CREB5: variants seen among roughly 807,000 people sequenced by gnomAD.
CREB5 encodes the protein cyclic AMP-responsive element-binding protein 5.
Under a neutral mutation model 57.1 loss-of-function variants are expected in CREB5, and 19 were observed. The ratio of observed to expected loss-of-function variants is 0.33; its 90% CI spans 0.23 to 0.49. The LOEUF (loss-of-function observed/expected upper bound fraction) is 0.49. Ranked by LOEUF, CREB5 falls within the 20% of genes least tolerant of loss-of-function variation. The pLI, the probability that CREB5 is intolerant of heterozygous loss-of-function variation, is 0.99. For missense variants in CREB5, 579 were observed against 671.6 expected, an observed-to-expected ratio of 0.86 and a Z score of 1.52; for synonymous variants, 238 against 238.3, an observed-to-expected ratio of 1.00 and a Z score of 0.01.
chr7:28,626,087 G>A (rs973600360), intron 5 of CREB5, among the ~76,000 whole-genome samples: 4 of 152,104 alleles, frequency 2.6e-5, no homozygotes, highest in African/African-American at 9.7e-5. Flanking sequence ...CTATTTGGGT[G>A]TGTCATTTTA....
At chr7:28,664,093 TC>T (rs1244433137) in intron 5 of CREB5, among the ~76,000 whole-genome samples, 1 of 152,226 alleles carries the variant, frequency 6.6e-6, no homozygotes, top group African/African-American at 2.4e-5. Flanking sequence ...ATGCTGCTGG[TC>T]CCAGGACTTC....
At chr7:28,739,180 G>C (rs1050089727) in intron 7 of CREB5, among the ~76,000 whole-genome samples, 2 of 152,184 alleles carry the variant, frequency 1.3e-5, no homozygotes, top group Non-Finnish European at 2.9e-5. Flanking sequence ...CAATACAGTA[G>C]CCTAGTGGCT....
intron 5 of CREB5, among the ~76,000 whole-genome samples, chr7:28,618,944 A>G (rs1391025774): frequency 7.9e-5 from 12 of 152,244 alleles, no homozygotes. Context: ...TTTATGATTT[A>G]TAAAGAACTT....
intron 7 of CREB5, among the ~76,000 whole-genome samples, chr7:28,778,423 G>C (rs1045314672): frequency 6.6e-6 from 1 of 152,082 alleles, no homozygotes; most frequent in African/African-American, 2.4e-5. Context: ...TTTAAGATAC[G>C]GCTAGCAATT....
chr7:28,712,160 T>C lies in CREB5; in HGVS notation c.465-6593T>C, dbSNP rs1264202626. 3.9e-5 allele frequency among the ~76,000 whole-genome samples: 6 copies of C among 152,174 alleles called. No homozygotes were observed. The East Asian group carries it at 1.2e-3, about 29-fold the overall frequency. On this transcript the variant is annotated intron_variant, in intron 5 of 10. Transcript: ENST00000357727. ...TCACTCCATTTTACAATGTAATTATTACCTGCCAAGGAAGCTAAGTATATT... is the reference window on the plus strand; with the variant it reads ...TCACTCCATTTTACAATGTAATTATCACCTGCCAAGGAAGCTAAGTATATT...
At chr7:28,765,428 G>A (rs990873670) in intron 7 of CREB5, among the ~76,000 whole-genome samples, 2 of 152,134 alleles carry the variant, frequency 1.3e-5, no homozygotes, top group Non-Finnish European at 2.9e-5. Flanking sequence ...TGTGTATTAG[G>A]TGTGTAGTGA....
chr7:28,809,533 G>A lies in CREB5; in HGVS notation c.1254+119G>A, dbSNP rs193195359. ...TACCACACACTTAGTCCACAGAGGA[G>A]CCGCAGCCCCACTCCTCGAGTTTTA... On this transcript the variant is annotated intron_variant, in intron 9 of 10. Coordinates refer to ENST00000357727, the MANE Select transcript of CREB5 (RefSeq NM_182898.4). 47 of 875,852 alleles carry A rather than the reference G, an allele frequency of 5.4e-5. No individual in the cohort carries two copies. The African/African-American group carries it at 7.6e-4, about 14-fold the overall frequency. The allele number at this position is 875,852 out of a possible 1,614,324, so 54.3% of individuals were successfully genotyped here.
At chr7:28,595,939 T>C (rs925389208) in intron 5 of CREB5, among the ~76,000 whole-genome samples, 1 of 152,196 alleles carries the variant, frequency 6.6e-6, no homozygotes, top group African/African-American at 2.4e-5. Flanking sequence ...TGTGGTGTTT[T>C]GGATTTCTGG....
At chr7:28,337,789 T>C (rs1276593828) in intron 1 of CREB5, among the ~76,000 whole-genome samples, 5 of 152,130 alleles carry the variant, frequency 3.3e-5, no homozygotes, top group Admixed American at 2.6e-4. Flanking sequence ...TTTCCTTCCT[T>C]CTTGTCTTTC....
intron 1 of CREB5, among the ~76,000 whole-genome samples, chr7:28,305,826 T>C (rs1195049889): frequency 6.6e-6 from 1 of 152,098 alleles, no homozygotes; most frequent in Non-Finnish European, 1.5e-5. Context: ...GTGAGCTAAT[T>C]CAAACAATAC....
intron 4 of CREB5, among the ~76,000 whole-genome samples, chr7:28,527,890 G>C (rs1439539716): frequency 1.3e-5 from 2 of 152,110 alleles, no homozygotes; most frequent in East Asian, 3.9e-4. Flanking sequence ...GGATCTTGTG[G>C]AACCTACTTT....
intron 5 of CREB5, among the ~76,000 whole-genome samples, chr7:28,657,278 T>C (rs1043851993): frequency 6.6e-6 from 1 of 152,118 alleles, no homozygotes. Context: ...TCCAAATATA[T>C]ACCCTGTCAA....
chr7:28,511,647 G>T (rs1290172867), intron 4 of CREB5, among the ~76,000 whole-genome samples: 1 of 152,080 alleles, frequency 6.6e-6, no homozygotes. Context: ...ACCATGCCCG[G>T]CTCATTTTTC....
At chr7:28,472,764 A>G (rs1288155808) in intron 1 of CREB5, among the ~76,000 whole-genome samples, 1 of 152,274 alleles carries the variant, frequency 6.6e-6, no homozygotes, top group South Asian at 2.1e-4. Flanking sequence ...TCGACGATCC[A>G]AGGTCTCTCT....
At chr7:28,623,405 T>C (rs940342082) in intron 5 of CREB5, among the ~76,000 whole-genome samples, 1 of 152,228 alleles carries the variant, frequency 6.6e-6, no homozygotes, top group Non-Finnish European at 1.5e-5. Context: ...AGTCTTTATA[T>C]GTCAAAATAG....
intron 1 of CREB5, among the ~76,000 whole-genome samples, chr7:28,305,373 T>C (rs925583590): frequency 9.2e-5 from 14 of 152,154 alleles, no homozygotes; most frequent in African/African-American, 2.7e-4. Context: ...AAACCTACAG[T>C]CCACTACTGG....
intron 5 of CREB5, among the ~76,000 whole-genome samples, chr7:28,601,361 G>A (rs1796914427): frequency 6.6e-6 from 1 of 152,086 alleles, no homozygotes; most frequent in South Asian, 2.1e-4. Context: ...CATTTGCAGG[G>A]ATGGATTTTT....
intron 5 of CREB5, among the ~76,000 whole-genome samples, chr7:28,668,567 A>G (rs1345814423): frequency 1.3e-5 from 2 of 152,006 alleles, no homozygotes; most frequent in African/African-American, 4.8e-5. Context: ...TACTGATTTA[A>G]TCTTTAATAT....
chr7:28,775,310 G>A (rs975786573), intron 7 of CREB5, among the ~76,000 whole-genome samples: 6 of 151,586 alleles, frequency 4.0e-5, no homozygotes, highest in African/African-American at 7.3e-5. Flanking sequence ...CTGATTCCCC[G>A]CCTCACCTAA....
Sources: allele counts gnomAD v4.1 joint callset (sites outside exome capture counted in the v4.1 genomes callset), GRCh38; gene constraint gnomAD v4.1.1; transcripts MANE v1.5; gene names NCBI Gene and HGNC (gene_info 2026-07-23, HGNC 2026-07-21).